The following CDC14B variants were observed in gnomAD, a reference collection of about 807,000 sequenced individuals.
CDC14B encodes the protein dual specificity protein phosphatase CDC14B.
CDC14B carries 22 observed loss-of-function variants against 64.2 expected under a neutral mutation model. The observed-to-expected ratio is 0.34, with a 90% CI of 0.24 to 0.49. CDC14B has a LOEUF of 0.49. Ranked by LOEUF, CDC14B falls within the 20% of genes least tolerant of loss-of-function variation. The pLI, the probability that CDC14B is intolerant of heterozygous loss-of-function variation, is 0.99. For synonymous variants in CDC14B, 191 were observed against 215.8 expected, an observed-to-expected ratio of 0.89 and a Z score of 1.01; for missense variants, 498 against 629.9, an observed-to-expected ratio of 0.79 and a Z score of 2.24.
chr9:96,548,770 C>T (rs978298851), intron 5 of CDC14B, among the ~76,000 whole-genome samples: 2 of 150,790 alleles, frequency 1.3e-5, no homozygotes, highest in African/African-American at 2.4e-5. Flanking sequence ...CACTGAACTC[C>T]AGCCTGGGTG....
At chr9:96,588,532 G>C (rs193193194) in intron 1 of CDC14B, among the ~76,000 whole-genome samples, 147 of 152,276 alleles carry the variant, frequency 9.7e-4, no homozygotes, top group African/African-American at 3.4e-3. Context: ...TGTCGCCCAG[G>C]CTGGAGCGCA....
At chr9:96,495,874 C>T (rs1466183341), downstream of CDC14B, among the ~76,000 whole-genome samples, 1 of 152,154 alleles carries the variant, frequency 6.6e-6, no homozygotes, top group African/African-American at 2.4e-5. Context: ...TCCGGGGGTG[C>T]CTTCCACACG....
chr9:96,526,454 G>C (rs938526224), intron 9 of CDC14B, among the ~76,000 whole-genome samples: 1 of 152,204 alleles, frequency 6.6e-6, no homozygotes, highest in East Asian at 1.9e-4. Context: ...GCAAGCCGAG[G>C]AGAGAGGCCT....
At chr9:96,553,636 C>T (rs1467058109) in intron 4 of CDC14B, among the ~76,000 whole-genome samples, 6 of 151,928 alleles carry the variant, frequency 3.9e-5, no homozygotes, top group Admixed American at 6.6e-5. Context: ...GCTGGGATTA[C>T]AGACATGAGC....
At chr9:96,597,455 T>C (rs1375927795) in intron 1 of CDC14B, among the ~76,000 whole-genome samples, 1 of 150,486 alleles carries the variant, frequency 6.6e-6, no homozygotes, top group Non-Finnish European at 1.5e-5. Context: ...GATTGTGTCA[T>C]TGCGCTCCAG....
At chr9:96,607,963 T>C (rs750303497) in intron 1 of CDC14B, among the ~76,000 whole-genome samples, 1 of 152,166 alleles carries the variant, frequency 6.6e-6, no homozygotes, top group Non-Finnish European at 1.5e-5. Flanking sequence ...TAGAAAACCT[T>C]TAAAACCTAT....
At position 96,523,262 on chromosome 9, in the gene CDC14B, G is replaced by A. The variant is rs771989587; in HGVS notation, c.1244C>T (p.Pro415Leu). ...VENQDQQEPE[P>L]YSDDDEINGV... The stretch of plus-strand genomic sequence containing the variant: ...TCGCAACAGAAACGGCTTGATTACC[G>A]GTTCGGGTTCTTGCTGATCTTGATT... Residue 415 changes from proline to leucine, a missense_variant and splice_region_variant, in exon 11 of 14, where the codon CCG becomes CTG. Pro to Leu is a moderately conservative substitution (Grantham distance 98, BLOSUM62 -3). Transcript: ENST00000375241. The A allele has an allele frequency of 6.8e-6, 11 of 1,613,676 alleles. No homozygotes were observed. The highest frequency in any genetic ancestry group is 3.3e-5 in the South Asian group (3 of 91,072).
At position 96,501,402 on chromosome 9, in the gene CDC14B, T is replaced by TA. The variant is rs1027504729; in HGVS notation, c.*2350dup. ...ACAAGGTCTTCTATAACAACGACTCTAAGTCAGAATTCCAGAAGATTCTGG... is the reference window on the plus strand; with the variant it reads ...ACAAGGTCTTCTATAACAACGACTCTAAAGTCAGAATTCCAGAAGATTCTGG... On this transcript the variant is annotated 3_prime_UTR_variant, in exon 14 of 14. Coordinates refer to ENST00000375241, the MANE Select transcript of CDC14B (RefSeq NM_033331.4). 2 of 152,192 alleles carry TA rather than the reference T, an allele frequency of 1.3e-5. No individual in the cohort carries two copies. The highest frequency in any genetic ancestry group is 4.8e-5 in the African/African-American group (2 of 41,454). 9.4% of individuals were successfully genotyped at this position (152,192 alleles called of 1,614,324 possible).
chr9:96,576,208 A>C (rs998849655), intron 1 of CDC14B, among the ~76,000 whole-genome samples: 10 of 152,282 alleles, frequency 6.6e-5, no homozygotes, highest in Middle Eastern at 6.8e-3. Context: ...TGAACCCAGG[A>C]GACGGAGGTT....
At chr9:96,530,061 T>G (rs1250733449) in intron 9 of CDC14B, among the ~76,000 whole-genome samples, 1 of 152,220 alleles carries the variant, frequency 6.6e-6, no homozygotes. Context: ...TCCTCAAAAA[T>G]GTTTTATACA....
chr9:96,612,578 C>T (rs1847389217), intron 1 of CDC14B, among the ~76,000 whole-genome samples: 3 of 152,234 alleles, frequency 2.0e-5, no homozygotes, highest in South Asian at 4.1e-4. Flanking sequence ...TGTCCTCATG[C>T]CTAGTGGCTA....
intron 1 of CDC14B, among the ~76,000 whole-genome samples, chr9:96,577,632 T>C (rs1044177524): frequency 6.6e-5 from 10 of 152,196 alleles, no homozygotes; most frequent in African/African-American, 2.4e-4. Flanking sequence ...AGACCACTAA[T>C]CCATGGTGCC....
chr9:96,613,492 G>A (rs2119048323), intron 1 of CDC14B, among the ~76,000 whole-genome samples: 1 of 152,314 alleles, frequency 6.6e-6, no homozygotes, highest in Non-Finnish European at 1.5e-5. Flanking sequence ...TCCACTTAAG[G>A]AGTGACATTT....
At chr9:96,576,981 A>G (rs1380802446) in intron 1 of CDC14B, among the ~76,000 whole-genome samples, 1 of 152,100 alleles carries the variant, frequency 6.6e-6, no homozygotes, top group Non-Finnish European at 1.5e-5. Flanking sequence ...GGCGGGGCAC[A>G]GTGGCTCACG....
intron 1 of CDC14B, among the ~76,000 whole-genome samples, chr9:96,617,038 C>T (rs760161959): frequency 6.6e-6 from 1 of 152,066 alleles, no homozygotes; most frequent in African/African-American, 2.4e-5. Context: ...TGACTATAAC[C>T]TTTACTCCCC....
chr9:96,542,506 CTTT>C (rs1030014092), intron 5 of CDC14B, among the ~76,000 whole-genome samples: 33 of 151,516 alleles, frequency 2.2e-4, no homozygotes, highest in Non-Finnish European at 4.1e-4. Context: ...TTTTTTTAAA[CTTT>C]TTTATAGAGA....
intron 1 of CDC14B, among the ~76,000 whole-genome samples, chr9:96,587,841 A>C (rs1308083439): frequency 6.6e-6 from 1 of 152,174 alleles, no homozygotes; most frequent in Non-Finnish European, 1.5e-5. Context: ...CAAGTGCCCC[A>C]GAGCAATTTT....
At position 96,514,430 on chromosome 9, in the gene CDC14B, C is replaced by A. The variant is rs1366632902; in HGVS notation, c.1344-4641G>T. 4.1e-6 allele frequency: 4 copies of A among 985,242 alleles called. No homozygotes were observed. In the East Asian group the frequency reaches 4.5e-4, roughly 112 times the overall value. 61.0% of individuals were successfully genotyped at this position (985,242 alleles called of 1,614,324 possible). A position where few individuals can be genotyped will look rare whatever the true frequency, so the allele number is the denominator to read the frequency against. ...AATCTATCTCAGAAATACAGCAGGT[C>A]TGAATGCGCGACAATAAGCTTTTAT... On this transcript the variant is annotated intron_variant, in intron 12 of 13. Transcript: ENST00000375241.
intron 5 of CDC14B, among the ~76,000 whole-genome samples, chr9:96,545,881 T>C (rs1840746416): frequency 6.6e-6 from 1 of 152,166 alleles, no homozygotes; most frequent in South Asian, 2.1e-4. Flanking sequence ...GCACCTCCAA[T>C]TTTAGACACA....
Sources: gnomAD v4.1 joint callset for allele counts (sites outside exome capture counted in the v4.1 genomes callset) on GRCh38, gnomAD v4.1.1 for gene constraint, MANE v1.5 for transcripts, NCBI Gene and HGNC (gene_info 2026-07-23, HGNC 2026-07-21) for gene names.